The following UBLCP1 variants were observed in gnomAD, a reference collection of about 807,000 sequenced individuals.
UBLCP1 encodes ubiquitin-like domain-containing CTD phosphatase 1.
UBLCP1 carries 28 observed loss-of-function variants against 42.4 expected under a neutral mutation model. That is an observed-to-expected ratio of 0.66 (90% CI 0.49 to 0.90). The LOEUF is 0.90. Among genes scored for constraint, UBLCP1 ranks in the 40% least tolerant of loss-of-function variants. The pLI, the probability that UBLCP1 is intolerant of heterozygous loss-of-function variation, is 0.00. For synonymous variants in UBLCP1, 122 were observed against 120.8 expected, an observed-to-expected ratio of 1.01 and a Z score of -0.07; for missense variants, 279 against 374.5, an observed-to-expected ratio of 0.75 and a Z score of 2.10.
intron 6 of UBLCP1, among the ~76,000 whole-genome samples, chr5:159,273,261 A>G (rs1425113598): frequency 6.6e-6 from 1 of 152,220 alleles, no homozygotes; most frequent in Admixed American, 6.5e-5. Context: ...ATATTTGAGA[A>G]AAAAGTTTAT....
At chr5:159,267,147 C>A (rs1297634631) in intron 1 of UBLCP1, among the ~76,000 whole-genome samples, 1 of 152,200 alleles carries the variant, frequency 6.6e-6, no homozygotes, top group African/African-American at 2.4e-5. Flanking sequence ...CACTCAATGC[C>A]AGCCCGTGAA....
chr5:159,271,917 A>G (rs1205483056), intron 5 of UBLCP1, 106 bp from the exon 6 acceptor site: 1 of 722,904 alleles, frequency 1.4e-6, no homozygotes, highest in African/African-American at 1.8e-5. Context: ...TTGCAATGAA[A>G]TGTTTATGTT....
At chr5:159,269,815 A>C in intron 2 of UBLCP1, 93 bp from the exon 3 acceptor site, 12 of 1,023,624 alleles carry the variant, frequency 1.2e-5, no homozygotes, top group Non-Finnish European at 1.8e-5. Flanking sequence ...TGACATCTGT[A>C]CCAAACCTTT....
chr5:159,270,484 T>A, intron 4 of UBLCP1, 39 bp downstream of exon 4: 1 of 1,603,828 alleles, frequency 6.2e-7, no homozygotes, highest in Non-Finnish European at 8.5e-7. Context: ...AGTTGTCATG[T>A]GAGAACAAGT....
intron 6 of UBLCP1, among the ~76,000 whole-genome samples, chr5:159,273,365 A>G (rs1026864537): frequency 1.3e-5 from 2 of 152,182 alleles, no homozygotes; most frequent in African/African-American, 4.8e-5. Context: ...ATTTTGTGGT[A>G]GTTCATTGAA....
intron 8 of UBLCP1, 54 bp downstream of exon 8, chr5:159,275,300 C>T (rs1753520885): frequency 7.2e-7 from 1 of 1,389,968 alleles, no homozygotes; most frequent in Non-Finnish European, 1.0e-6. Flanking sequence ...TTCCAGTGTA[C>T]TTTTTATGTT....
intron 3 of UBLCP1, 68 bp downstream of exon 3, chr5:159,270,067 T>G: frequency 2.3e-6 from 3 of 1,315,152 alleles, no homozygotes; most frequent in South Asian, 2.7e-5. Context: ...CACTGTTGTA[T>G]TATAGTTTTA....
In UBLCP1 at chr5:159,270,459, G is replaced by T. The variant is rs377090243; in HGVS notation, c.332+14G>T. 54 of 1,610,640 alleles carry T rather than the reference G, an allele frequency of 3.4e-5. No homozygotes were observed. The African/African-American group carries it at 6.4e-4, about 19-fold the overall frequency. ...AGTAGAAAATAGGTAAGTGCTTTTC[G>T]CTTTAGAAGTAATCAGTTGTCATGT... On this transcript the variant is annotated intron_variant, in intron 4 of 10. Transcript: ENST00000296786.
At chr5:159,279,203 T>C (rs1375324514) in intron 9 of UBLCP1, among the ~76,000 whole-genome samples, 3 of 152,204 alleles carry the variant, frequency 2.0e-5, no homozygotes, top group Non-Finnish European at 2.9e-5. Context: ...TGCCCAAGAT[T>C]GTATATGTAA....
Position 159,270,019 on chromosome 5 carries a change from T to C in UBLCP1, c.246+20T>C, listed in dbSNP as rs767085624. ...AGCTTGGTAAATGTTTACTTTTTGTTACCATTTGTCCATTTGAAGATATTA... is the reference window on the plus strand; with the variant it reads ...AGCTTGGTAAATGTTTACTTTTTGTCACCATTTGTCCATTTGAAGATATTA... On this transcript the variant is annotated intron_variant, in intron 3 of 10. Coordinates refer to ENST00000296786, the MANE Select transcript of UBLCP1 (RefSeq NM_145049.5). 6.3e-7 allele frequency: 1 copy of C among 1,577,974 alleles called. No homozygotes were observed. Among genetic ancestry groups the C allele is most frequent in the South Asian group, 1.1e-5 (1 of 88,548 alleles).
rs1028795758 is a variant in UBLCP1 at position 159,284,810 on chromosome 5, T to C, written c.930-94T>C. On this transcript the variant is annotated intron_variant, in intron 10 of 10. Transcript: ENST00000296786. ...TAAGAATACTCATCTTGAAATGTTT[T>C]GTCATTAGAACAAACTCCTTTGGGA... The C allele has an allele frequency of 1.8e-5, 23 of 1,286,978 alleles. No homozygotes were observed. In the African/African-American group the frequency reaches 3.4e-4, roughly 19 times the overall value. The allele number at this position is 1,286,978 out of a possible 1,614,324, so 79.7% of individuals were successfully genotyped here.
rs1441408356 is a variant in UBLCP1 at position 159,268,877 on chromosome 5, T to C, written c.-39T>C. On this transcript the variant is annotated 5_prime_UTR_variant, in exon 2 of 11. Coordinates refer to ENST00000296786, the MANE Select transcript of UBLCP1 (RefSeq NM_145049.5). ...TTTTGTCTTCCTTTCCAGGTATTTT[T>C]TTTTCTGAAGGAAAGCTGCTTCCTC... The C allele has an allele frequency of 6.3e-7, 1 of 1,588,414 alleles. No individual in the cohort carries two copies. The highest frequency in any genetic ancestry group is 8.5e-7 in the Non-Finnish European group (1 of 1,172,148).
intron 1 of UBLCP1, 110 bp downstream of exon 1, chr5:159,263,470 G>A (rs1397508347): frequency 6.6e-6 from 1 of 152,316 alleles, no homozygotes; most frequent in Non-Finnish European, 1.5e-5. Context: ...GCGGGCTGGG[G>A]ATAGTGTCTG....
intron 6 of UBLCP1, 107 bp downstream of exon 6, chr5:159,272,228 G>T: frequency 1.1e-6 from 1 of 900,592 alleles, no homozygotes; most frequent in Non-Finnish European, 1.7e-6. Context: ...ATATGAAATA[G>T]TTTTCATTTT....
chr5:159,270,009 T>C lies in UBLCP1; in HGVS notation c.246+10T>C. The stretch of plus-strand genomic sequence containing the variant: ...TCGTGAGGAGAGCTTGGTAAATGTT[T>C]ACTTTTTGTTACCATTTGTCCATTT... On this transcript the variant is annotated intron_variant, in intron 3 of 10. Transcript: ENST00000296786. The C allele has an allele frequency of 2.5e-6, 4 of 1,592,556 alleles. No individual in the cohort carries two copies. Among genetic ancestry groups the C allele is most frequent in the Non-Finnish European group, 3.4e-6 (4 of 1,165,048 alleles).
At chr5:159,276,055 G>C (rs538825749) in intron 8 of UBLCP1, among the ~76,000 whole-genome samples, 4 of 152,306 alleles carry the variant, frequency 2.6e-5, no homozygotes, top group African/African-American at 9.6e-5. Flanking sequence ...AGTATCTACT[G>C]TCTGGAAGGC....
At chr5:159,274,657 T>G in intron 7 of UBLCP1, 35 bp downstream of exon 7, 1 of 1,577,126 alleles carries the variant, frequency 6.3e-7, no homozygotes, top group South Asian at 1.1e-5. Context: ...TAAAAATATT[T>G]TCAAACTGCA....
At position 159,269,024 on chromosome 5, in the gene UBLCP1, G is replaced by A; in HGVS notation, c.109G>A (p.Gly37Arg). 1 of 1,600,502 alleles carries A rather than the reference G, an allele frequency of 6.2e-7. No individual in the cohort carries two copies. The change falls in exon 2 of 11, where the codon GGA becomes AGA. Residue 37 changes from glycine to arginine, a missense_variant. By Grantham distance (125) the Gly-to-Arg change is moderately radical. Coordinates refer to ENST00000296786, the MANE Select transcript of UBLCP1 (RefSeq NM_145049.5). ...CAAACAGTTTCTCAAGACCCTTACA[G>A]GAGTTCTTCCAGAACGCCAAAAGTT... ...DLKQFLKTLT[G>R]VLPERQKLLG...
At position 159,285,790 on chromosome 5, in the gene UBLCP1, C is replaced by G. The variant is rs1446334884; in HGVS notation, c.*859C>G. ...ATGAACAAAAAGTTTTTGTTCTGTT[C>G]CAGCTATATCTTGTCTAAGTGCTAA... is the stretch of plus-strand genomic sequence containing the variant. On this transcript the variant is annotated 3_prime_UTR_variant, in exon 11 of 11. Transcript: ENST00000296786. The G allele has an allele frequency of 6.5e-6, 1 of 152,706 alleles. No homozygotes were observed. Among genetic ancestry groups the G allele is most frequent in the East Asian group, 1.9e-4 (1 of 5,332 alleles). 9.5% of individuals were successfully genotyped at this position (152,706 alleles called of 1,614,324 possible).
Sources: gnomAD v4.1 joint callset for allele counts (sites outside exome capture counted in the v4.1 genomes callset) on GRCh38, gnomAD v4.1.1 for gene constraint, MANE v1.5 for transcripts, NCBI Gene and HGNC (gene_info 2026-07-23, HGNC 2026-07-21) for gene names.